Variants in ACVRL1 observed in about 807,000 individuals in gnomAD.
ACVRL1 encodes activin A receptor like type 1.
ACVRL1 carries 20 observed loss-of-function variants against 51.9 expected under a neutral mutation model. The observed-to-expected ratio is 0.39, with a 90% CI of 0.27 to 0.56. ACVRL1 has a LOEUF of 0.56. Ranked by LOEUF, ACVRL1 falls within the 20% of genes least tolerant of loss-of-function variation. ACVRL1 has a pLI of 0.67. For synonymous variants in ACVRL1, 288 were observed against 280.9 expected, an observed-to-expected ratio of 1.03 and a Z score of -0.25; for missense variants, 451 against 670.3, an observed-to-expected ratio of 0.67 and a Z score of 3.61.
chr12:51,921,509 T>G lies in ACVRL1; in HGVS notation c.*616T>G, dbSNP rs1481864363. Reference sequence around the variant, plus strand: ...AGCTGGGGCCTGACTTACTAGGGCATTAAATCCTAAGAGGTCCTACTGAGG... The same window carrying G: ...AGCTGGGGCCTGACTTACTAGGGCAGTAAATCCTAAGAGGTCCTACTGAGG... On this transcript the variant is annotated 3_prime_UTR_variant, in exon 10 of 10. Coordinates refer to ENST00000388922, the MANE Select transcript of ACVRL1 (RefSeq NM_000020.3). 5.8e-6 allele frequency: 1 copy of G among 171,896 alleles called. No homozygotes were observed. Among genetic ancestry groups the G allele is most frequent in the Non-Finnish European group, 1.3e-5 (1 of 78,450 alleles). The allele number at this position is 171,896 out of a possible 1,614,324, so 10.6% of individuals were successfully genotyped here.
intron 1 of ACVRL1, among the ~76,000 whole-genome samples, chr12:51,908,992 C>T (rs528814877): frequency 1.3e-5 from 2 of 152,268 alleles, no homozygotes; most frequent in East Asian, 1.9e-4. Context: ...ATGGATGAAT[C>T]GTAAGGGCAA....
In ACVRL1 at chr12:51,913,253, G is replaced by A; in HGVS notation, c.216G>A (p.Leu72=). ...HPQEHRGCGN[L]HRELCRGRPT... is the part of the protein sequence containing the mutation. ...AGGAACATCGGGGCTGCGGGAACTT[G>A]CACAGGGAGCTCTGCAGGGGGCGCC... is the stretch of plus-strand genomic sequence containing the variant. The change falls in exon 3 of 10, where the codon TTG becomes TTA. Residue 72 remains leucine (L), a synonymous_variant. Transcript: ENST00000388922. The A allele has an allele frequency of 6.3e-7, 1 of 1,594,234 alleles. No homozygotes were observed. The highest frequency in any genetic ancestry group is 8.5e-7 in the Non-Finnish European group (1 of 1,170,344).
rs1169656136 is a variant in ACVRL1, at chr12:51,921,307, G to A, written c.*414G>A. 3.2e-6 allele frequency: 1 copy of A among 317,280 alleles called. No homozygotes were observed. Among genetic ancestry groups the A allele is most frequent in the Non-Finnish European group, 6.2e-6 (1 of 161,508 alleles). 19.7% of individuals were successfully genotyped at this position (317,280 alleles called of 1,614,324 possible). A position where few individuals can be genotyped will look rare whatever the true frequency, so the allele number is the denominator to read the frequency against. On this transcript the variant is annotated 3_prime_UTR_variant, in exon 10 of 10. Transcript: ENST00000388922. Reference sequence around the variant, plus strand: ...CACCAGAGCTGCCAGGGTGGCACAGGGCCCTGTCCAGCCCCTGGCACACAC... The same window carrying A: ...CACCAGAGCTGCCAGGGTGGCACAGAGCCCTGTCCAGCCCCTGGCACACAC...
chr12:51,913,934 T>G, intron 4 of ACVRL1, 40 bp from the exon 5 acceptor site: 2 of 1,605,176 alleles, frequency 1.2e-6, no homozygotes, highest in Non-Finnish European at 1.7e-6. Flanking sequence ...GGGCTGTGGC[T>G]GGTTGTGGCA....
chr12:51,914,339 G>T, intron 5 of ACVRL1, 100 bp from the exon 6 acceptor site: 3 of 1,539,364 alleles, frequency 1.9e-6, no homozygotes, highest in Admixed American at 1.8e-5. Flanking sequence ...GGTTCTGTGG[G>T]TGGGGTGGGC....
rs200169087 is a variant in ACVRL1, at chr12:51,913,679, G to C, written c.434G>C (p.Arg145Pro). ...LGVLGLWHVRRRQEKQRGLHS... is the reference protein window; with the variant it reads ...LGVLGLWHVRPRQEKQRGLHS... ...GTCCTGGGCCTGTGGCATGTCCGAC[G>C]GAGGCAGGAGAAGCAGCGTGGCCTG... Residue 145 changes from arginine (R) to proline (P), a missense_variant, in exon 4 of 10, where the codon CGG becomes CCG. By Grantham distance (103) the Arg-to-Pro change is moderately radical (BLOSUM62 -2). Around this residue, in one of 2 missense-constraint regions of ACVRL1, gnomAD observed 192 missense variants for 216.9 expected, o/e 0.89. Transcript: ENST00000388922. 42 of 1,610,614 alleles carry C rather than the reference G, an allele frequency of 2.6e-5. No individual in the cohort carries two copies. Among genetic ancestry groups the C allele is most frequent in the Non-Finnish European group, 3.0e-5 (35 of 1,180,018 alleles).
Position 51,920,846 on chromosome 12 carries a change from C to G in ACVRL1, c.1465C>G (p.Leu489Val). 6.5e-7 allele frequency: 1 copy of G among 1,530,904 alleles called. No homozygotes were observed. Among genetic ancestry groups the G allele is most frequent in the Non-Finnish European group, 8.9e-7 (1 of 1,126,226 alleles). 94.8% of individuals were successfully genotyped at this position (1,530,904 alleles called of 1,614,324 possible). ...RLTALRIKKT[L>V]QKISNSPEKP... ...CACCGCGCTGCGGATCAAGAAGACA[C>G]TACAAAAAATTAGCAACAGTCCAGA... The change falls in exon 10 of 10, where the codon CTA becomes GTA. Residue 489 changes from leucine to valine, a missense_variant. Leu to Val is a conservative substitution (Grantham distance 32). Transcript: ENST00000388922.
chr12:51,920,931 T>TGGGGGGGGGGGGGGGGGGGGGGGG lies in ACVRL1; in HGVS notation c.*45_*46insGGGGGGGGGGGGGGGGGGGGGGGG. On this transcript the variant is annotated 3_prime_UTR_variant, in exon 10 of 10. Transcript: ENST00000388922. Reference sequence around the variant, plus strand: ...TGATTCCTTTCTGCCTGCAGGGGGCTGGGGGGGTGGGGGGCAGTGGATGGT... The same window carrying TGGGGGGGGGGGGGGGGGGGGGGGG: ...TGATTCCTTTCTGCCTGCAGGGGGCTGGGGGGGGGGGGGGGGGGGGGGGGGGGGGGGTGGGGGGCAGTGGATGGT... 4.9e-6 allele frequency: 1 copy of TGGGGGGGGGGGGGGGGGGGGGGGG among 203,030 alleles called. No homozygotes were observed. Among genetic ancestry groups the TGGGGGGGGGGGGGGGGGGGGGGGG allele is most frequent in the Non-Finnish European group, 9.6e-6 (1 of 104,510 alleles). 12.6% of individuals were successfully genotyped at this position (203,030 alleles called of 1,614,324 possible).
rs750685021 is a variant in ACVRL1, at chr12:51,915,493, C to T, written c.1041C>T (p.Ala347=). The change falls in exon 7 of 10, where the codon GCC becomes GCT. Residue 347 remains alanine (A), a synonymous_variant. Coordinates refer to ENST00000388922, the MANE Select transcript of ACVRL1 (RefSeq NM_000020.3). The part of the protein sequence containing the change: ...LVKSNLQCCI[A]DLGLAVMHSQ... ...AGAGCAACCTGCAGTGTTGCATCGC[C>T]GACCTGGGTGAGCCGGGCGGGGCAG... 2.9e-5 allele frequency: 47 copies of T among 1,606,492 alleles called. No individual in the cohort carries two copies. Among genetic ancestry groups the T allele is most frequent in the East Asian group, 2.5e-4 (11 of 44,710 alleles).
At position 51,920,809 on chromosome 12, in the gene ACVRL1, C is replaced by T. The variant is rs758783600; in HGVS notation, c.1428C>T (p.Pro476=). Residue 476 remains proline (P), a synonymous_variant, in exon 10 of 10, where the codon CCC becomes CCT. Transcript: ENST00000388922. The part of the protein sequence containing the change: ...QMMRECWYPN[P]SARLTALRIK... Reference sequence around the variant, plus strand: ...TGCGGGAGTGCTGGTACCCAAACCCCTCTGCCCGACTCACCGCGCTGCGGA... The same window carrying T: ...TGCGGGAGTGCTGGTACCCAAACCCTTCTGCCCGACTCACCGCGCTGCGGA... 3.1e-6 allele frequency: 5 copies of T among 1,614,090 alleles called. No individual in the cohort carries two copies. The South Asian group carries it at 5.5e-5, about 18-fold the overall frequency.
chr12:51,913,392 C>T, intron 3 of ACVRL1, 42 bp downstream of exon 3: 1 of 1,602,882 alleles, frequency 6.2e-7, no homozygotes, highest in Non-Finnish European at 8.5e-7. Flanking sequence ...ATCTTCTTGG[C>T]CCCTGCCCTC....
intron 7 of ACVRL1, 151 bp from the exon 8 acceptor site, chr12:51,915,885 C>T (rs753908546): frequency 2.6e-5 from 21 of 821,048 alleles, no homozygotes; most frequent in Non-Finnish European, 3.4e-5. Flanking sequence ...CCATGGTTCT[C>T]TCTGTGGCCA....
In ACVRL1 at chr12:51,921,844, T is replaced by G. The variant is rs192222421; in HGVS notation, c.*951T>G. On this transcript the variant is annotated 3_prime_UTR_variant, in exon 10 of 10. Coordinates refer to ENST00000388922, the MANE Select transcript of ACVRL1 (RefSeq NM_000020.3). Reference sequence around the variant, plus strand: ...ACCTCCCAGGTTCAAATCATTCTCTTGCCTCAGACTCCCGAGTAGCTGGGA... The same window carrying G: ...ACCTCCCAGGTTCAAATCATTCTCTGGCCTCAGACTCCCGAGTAGCTGGGA... The G allele has an allele frequency of 3.9e-5, 6 of 152,348 alleles. No homozygotes were observed. The East Asian group carries it at 7.7e-4, about 20-fold the overall frequency. The allele number at this position is 152,348 out of a possible 1,614,324, so 9.4% of individuals were successfully genotyped here.
Position 51,919,015 on chromosome 12 carries a change from A to T in ACVRL1, c.1277A>T (p.Tyr426Phe), listed in dbSNP as rs771606504. 14 of 1,613,936 alleles carry T rather than the reference A, an allele frequency of 8.7e-6. No homozygotes were observed. The South Asian group carries it at 1.5e-4, about 18-fold the overall frequency. Residue 426 changes from tyrosine to phenylalanine, a missense_variant, in exon 9 of 10, where the codon TAT (tyrosine) becomes TTT (phenylalanine). Tyr to Phe is a conservative substitution (Grantham distance 22). Coordinates refer to ENST00000388922, the MANE Select transcript of ACVRL1 (RefSeq NM_000020.3). ...GIVEDYRPPF[Y>F]DVVPNDPSFE... ...GTGGAGGACTATAGACCACCCTTCT[A>T]TGATGTGGTGCCCAATGACCCCAGC...
intron 8 of ACVRL1, 132 bp from the exon 9 acceptor site, chr12:51,918,853 C>G: frequency 8.0e-7 from 1 of 1,243,770 alleles, no homozygotes; most frequent in East Asian, 2.3e-5. Flanking sequence ...ATTATACTGT[C>G]CCTCTCAGGG....
intron 7 of ACVRL1, 81 bp downstream of exon 7, chr12:51,915,581 G>T: frequency 6.6e-7 from 1 of 1,507,330 alleles, no homozygotes. Flanking sequence ...TGTGGGCGGT[G>T]ACCATGATTA....
chr12:51,919,181 G>A (rs1281539138), intron 9 of ACVRL1, 66 bp downstream of exon 9: 1 of 1,610,090 alleles, frequency 6.2e-7, no homozygotes, highest in Non-Finnish European at 8.5e-7. Context: ...TCTGGGCCCA[G>A]GAACTTGTGT....
At position 51,913,331 on chromosome 12, in the gene ACVRL1, C is replaced by A. The variant is rs141429164; in HGVS notation, c.294C>A (p.Asn98Lys). 6.2e-7 allele frequency: 1 copy of A among 1,612,426 alleles called. No homozygotes were observed. The highest frequency in any genetic ancestry group is 1.7e-5 in the Admixed American group (1 of 59,892). ...GCGACAGCCACCTCTGCAACCACAA[C>A]GTGTCCCTGGTGCTGGAGGGTACGT... Reference protein sequence around the residue: ...YCCDSHLCNHNVSLVLEATQP... With the variant: ...YCCDSHLCNHKVSLVLEATQP... The change falls in exon 3 of 10, where the codon AAC becomes AAA. Residue 98 changes from asparagine to lysine, a missense_variant. By Grantham distance (94) the Asn-to-Lys change is moderately conservative. Around this residue, in one of 2 missense-constraint regions of ACVRL1, gnomAD observed 192 missense variants for 216.9 expected, o/e 0.89. Coordinates refer to ENST00000388922, the MANE Select transcript of ACVRL1 (RefSeq NM_000020.3).
chr12:51,915,817 C>A, intron 7 of ACVRL1: 1 of 642,684 alleles, frequency 1.6e-6, no homozygotes, highest in Non-Finnish European at 2.6e-6. Context: ...TGCCCACTCA[C>A]ATCTCGCTGG....
Sources: gnomAD v4.1 joint callset for allele counts (sites outside exome capture counted in the v4.1 genomes callset) on GRCh38, gnomAD v4.1.1 for gene constraint, gnomAD v4.1.1 regional missense constraint, MANE v1.5 for transcripts, NCBI Gene and HGNC (gene_info 2026-07-23, HGNC 2026-07-21) for gene names.